CNTNAP2: variants seen among roughly 807,000 people sequenced by gnomAD.
CNTNAP2 encodes the protein contactin-associated protein-like 2.
CNTNAP2 carries 98 observed loss-of-function variants against 155.2 expected under a neutral mutation model. The ratio of observed to expected loss-of-function variants is 0.63; its 90% CI spans 0.54 to 0.75. CNTNAP2 has a LOEUF of 0.75. Among genes scored for constraint, CNTNAP2 ranks in the 30% least tolerant of loss-of-function variants. The pLI, the probability that CNTNAP2 is intolerant of heterozygous loss-of-function variation, is 0.00. For synonymous variants in CNTNAP2, 651 were observed against 631.2 expected (o/e 1.03, Z -0.47); for missense variants, 1,727 against 1,688.1 (o/e 1.02, Z -0.40).
At chr7:147,152,928 C>T (rs1801854364) in intron 8 of CNTNAP2, among the ~76,000 whole-genome samples, 3 of 152,066 alleles carry the variant, frequency 2.0e-5, no homozygotes, top group South Asian at 2.1e-4. Context: ...GATGTTCATT[C>T]CTGAGCTTTT....
At chr7:146,261,130 T>G (rs1160179811) in intron 1 of CNTNAP2, among the ~76,000 whole-genome samples, 1 of 152,150 alleles carries the variant, frequency 6.6e-6, no homozygotes, top group Non-Finnish European at 1.5e-5. Context: ...CCCCTTTGCC[T>G]TCTGCCATGA....
chr7:147,181,104 A>T (rs1802448035), intron 8 of CNTNAP2, among the ~76,000 whole-genome samples: 1 of 152,180 alleles, frequency 6.6e-6, no homozygotes, highest in South Asian at 2.1e-4. Context: ...TGAGGGCACA[A>T]TTTGAAGTAA....
chr7:148,048,167 G>A (rs547198653), intron 15 of CNTNAP2, among the ~76,000 whole-genome samples: 7 of 150,652 alleles, frequency 4.6e-5, no homozygotes, highest in East Asian at 3.9e-4. Flanking sequence ...CTCGTGATCC[G>A]CCCGCCTCGG....
chr7:146,143,721 G>A (rs886665390), intron 1 of CNTNAP2, among the ~76,000 whole-genome samples: 1 of 151,804 alleles, frequency 6.6e-6, no homozygotes, highest in African/African-American at 2.4e-5. Flanking sequence ...TCTACAATAA[G>A]TTTACAGTCT....
chr7:147,650,086 G>T (rs996609211), intron 13 of CNTNAP2, among the ~76,000 whole-genome samples: 1 of 151,952 alleles, frequency 6.6e-6, no homozygotes, highest in African/African-American at 2.4e-5. Flanking sequence ...ATTTTTTCCA[G>T]TTCATATATT....
At chr7:147,526,830 G>A (rs527529858) in intron 11 of CNTNAP2, among the ~76,000 whole-genome samples, 1 of 152,116 alleles carries the variant, frequency 6.6e-6, no homozygotes, top group African/African-American at 2.4e-5. Flanking sequence ...GAAGAAAGAC[G>A]TTTCCAAATA....
chr7:147,350,501 G>A (rs550081669), intron 9 of CNTNAP2, among the ~76,000 whole-genome samples: 2 of 151,784 alleles, frequency 1.3e-5, no homozygotes, highest in African/African-American at 4.8e-5. Flanking sequence ...CTCTCAATAA[G>A]GCAAAATCCT....
chr7:147,871,388 G>C (rs76282337), intron 13 of CNTNAP2, among the ~76,000 whole-genome samples: 5,915 of 152,238 alleles, frequency 0.039, 365 homozygotes, highest in African/African-American at 0.14. Flanking sequence ...CTGGGCTCGG[G>C]CTTTACAAAA....
At chr7:146,893,804 AATCC>A (rs1214740599) in intron 3 of CNTNAP2, among the ~76,000 whole-genome samples, 3 of 152,146 alleles carry the variant, frequency 2.0e-5, no homozygotes, top group African/African-American at 7.2e-5. Flanking sequence ...GTTGAGGAAT[AATCC>A]ACTAAGCGCA....
Position 148,261,647 on chromosome 7 carries a change from C to G in CNTNAP2, c.3382-5386C>G, listed in dbSNP as rs183346494. 2.3e-4 allele frequency among the ~76,000 whole-genome samples: 35 copies of G among 152,232 alleles called. 1 individual carries two copies. In the South Asian group the frequency reaches 6.4e-3, roughly 28 times the overall value. ...AATTGCTGGGGGAGCGACAGGCTGG[C>G]TGCCCTCTGGAGTGCAGGTGGGGGA... is the stretch of plus-strand genomic sequence containing the variant. On this transcript the variant is annotated intron_variant, in intron 20 of 23. Coordinates refer to ENST00000361727, the MANE Select transcript of CNTNAP2 (RefSeq NM_014141.6).
chr7:147,919,596 C>T (rs1301589117), intron 14 of CNTNAP2, among the ~76,000 whole-genome samples: 1 of 151,298 alleles, frequency 6.6e-6, no homozygotes, highest in Non-Finnish European at 1.5e-5. Context: ...GTAGCTGGGA[C>T]TACAGGCAGC....
At chr7:147,948,962 G>A (rs183244307) in intron 14 of CNTNAP2, among the ~76,000 whole-genome samples, 1 of 152,156 alleles carries the variant, frequency 6.6e-6, no homozygotes, top group Admixed American at 6.5e-5. Context: ...AGCACTTTGG[G>A]AGGCTGAGGC....
chr7:146,862,411 TCACTTCTTA>T (rs1795120311), intron 3 of CNTNAP2, among the ~76,000 whole-genome samples: 1 of 151,846 alleles, frequency 6.6e-6, no homozygotes, highest in Non-Finnish European at 1.5e-5. Context: ...TAGTGATAAA[TCACTTCTTA>T]CACTTCCTTG....
intron 1 of CNTNAP2, among the ~76,000 whole-genome samples, chr7:146,542,596 AC>A (rs111242209): frequency 0.034 from 5,182 of 151,312 alleles, 282 homozygotes; most frequent in African/African-American, 0.11. Context: ...TCCTTTAGAG[AC>A]CCCCCCTTAC....
intron 1 of CNTNAP2, among the ~76,000 whole-genome samples, chr7:146,671,071 A>T (rs1026606603): frequency 2.6e-5 from 4 of 152,236 alleles, no homozygotes; most frequent in Admixed American, 6.5e-5. Flanking sequence ...AGGACAGCTT[A>T]TCTCAGAGTT....
chr7:148,196,539 G>A (rs1384966480), intron 18 of CNTNAP2, among the ~76,000 whole-genome samples: 1 of 152,202 alleles, frequency 6.6e-6, no homozygotes, highest in Non-Finnish European at 1.5e-5. Context: ...GAGGGGTCCA[G>A]CAATGATAAC....
intron 21 of CNTNAP2, among the ~76,000 whole-genome samples, chr7:148,335,944 AG>A (rs1349600965): frequency 6.6e-6 from 1 of 152,138 alleles, no homozygotes; most frequent in Non-Finnish European, 1.5e-5. Context: ...TGAAACTAAA[AG>A]GCTTAGGAGG....
At chr7:147,957,284 TG>T (rs1470723741) in intron 14 of CNTNAP2, among the ~76,000 whole-genome samples, 31 of 152,300 alleles carry the variant, frequency 2.0e-4, no homozygotes, top group Admixed American at 6.5e-4. Context: ...TTTGTTTGTT[TG>T]TTTCTCAAAG....
At chr7:146,940,005 A>G (rs573965797) in intron 3 of CNTNAP2, among the ~76,000 whole-genome samples, 7 of 152,294 alleles carry the variant, frequency 4.6e-5, no homozygotes, top group African/African-American at 1.7e-4. Context: ...ACTAACCCTG[A>G]GGTGTGGTTT....
Sources: gnomAD v4.1 joint callset for allele counts (sites outside exome capture counted in the v4.1 genomes callset) on GRCh38, gnomAD v4.1.1 for gene constraint, MANE v1.5 for transcripts, NCBI Gene and HGNC (gene_info 2026-07-23, HGNC 2026-07-21) for gene names.